PDGFC: variants seen among roughly 807,000 people sequenced by gnomAD.
PDGFC encodes the protein platelet derived growth factor C.
Under a neutral mutation model 35.5 loss-of-function variants are expected in PDGFC, and 12 were observed. The observed-to-expected ratio is 0.34, with a 90% confidence interval of 0.22 to 0.55. PDGFC has a LOEUF of 0.55. Among genes scored for constraint, PDGFC ranks in the 20% least tolerant of loss-of-function variants. PDGFC has a pLI of 0.91. For missense variants in PDGFC, 322 were observed against 412.4 expected (o/e 0.78, Z 1.90); for synonymous variants, 159 against 148.8 (o/e 1.07, Z -0.50).
At chr4:156,863,595 T>C (rs929392375) in intron 1 of PDGFC, among the ~76,000 whole-genome samples, 1 of 152,172 alleles carries the variant, frequency 6.6e-6, no homozygotes, top group South Asian at 2.1e-4. Context: ...GTGGGTTATT[T>C]GTGGGGTGTT....
intron 1 of PDGFC, among the ~76,000 whole-genome samples, chr4:156,929,349 A>T (rs891193637): frequency 6.6e-6 from 1 of 152,076 alleles, no homozygotes; most frequent in Non-Finnish European, 1.5e-5. Context: ...CTATATCCCA[A>T]CCTATCTATG....
rs150501449 is a variant in PDGFC, at chr4:156,903,910, G to A, written c.119-53494C>T. On this transcript the variant is annotated intron_variant, in intron 1 of 5. Transcript: ENST00000502773. ...TAGACCCAAAGATCATGATAGAGCT[G>A]TACTGGCCTTTAGGCCAATTTTAAT... Among the ~76,000 whole-genome samples the A allele has an allele frequency of 1.6e-3, 240 of 152,286 alleles. 1 individual carries two copies. The highest frequency in any genetic ancestry group is 2.8e-3 in the Non-Finnish European group (187 of 67,976).
chr4:156,796,763 T>C (rs1731453430), intron 3 of PDGFC, among the ~76,000 whole-genome samples: 1 of 152,144 alleles, frequency 6.6e-6, no homozygotes, highest in Non-Finnish European at 1.5e-5. Flanking sequence ...AGGAACCCAA[T>C]ATAATAGTAA....
intron 1 of PDGFC, among the ~76,000 whole-genome samples, chr4:156,903,126 T>TGC (rs2110773611): frequency 1.1e-5 from 1 of 91,324 alleles, no homozygotes; most frequent in Admixed American, 1.0e-4. Flanking sequence ...TGTGTGTGTG[T>TGC]GTGTGTATAA....
chr4:156,778,083 G>C (rs1730873830), intron 3 of PDGFC: 1 of 198,998 alleles, frequency 5.0e-6, no homozygotes. Context: ...CAGCCTGGGT[G>C]ATAAAGTGAG....
chr4:156,795,908 T>C (rs1431920674), intron 3 of PDGFC, among the ~76,000 whole-genome samples: 2 of 152,182 alleles, frequency 1.3e-5, no homozygotes, highest in Non-Finnish European at 2.9e-5. Flanking sequence ...TATCTTGAGC[T>C]CTTAGTATCC....
intron 1 of PDGFC, among the ~76,000 whole-genome samples, chr4:156,926,124 T>A (rs1318860569): frequency 1.4e-5 from 2 of 146,934 alleles, no homozygotes; most frequent in African/African-American, 2.5e-5. Context: ...ATGTCAATAA[T>A]CTTTTCTTGT....
chr4:156,831,510 C>T (rs947309059), intron 2 of PDGFC, among the ~76,000 whole-genome samples: 1 of 133,148 alleles, frequency 7.5e-6, no homozygotes. Context: ...GTGCCATGAT[C>T]TCGACTCACT....
chr4:156,818,516 G>GTTTTTTTTTTTT (rs35714916), intron 2 of PDGFC, among the ~76,000 whole-genome samples: 1 of 98,894 alleles, frequency 1.0e-5, no homozygotes, highest in Non-Finnish European at 1.9e-5. Context: ...CTTTCTAGCT[G>GTTTTTTTTTTTT]TTTTTTTTTT....
chr4:156,875,760 A>G (rs1372220809), intron 1 of PDGFC, among the ~76,000 whole-genome samples: 1 of 152,138 alleles, frequency 6.6e-6, no homozygotes, highest in Non-Finnish European at 1.5e-5. Context: ...TCTAATAAAA[A>G]TACAAAAATT....
intron 4 of PDGFC, 68 bp downstream of exon 4, chr4:156,772,618 G>T: frequency 1.0e-6 from 1 of 957,758 alleles, no homozygotes; most frequent in Non-Finnish European, 1.7e-6. Context: ...AGAAGCTGTG[G>T]CAGAAGAATC....
chr4:156,915,597 A>G (rs1211042609), intron 1 of PDGFC, among the ~76,000 whole-genome samples: 1 of 152,142 alleles, frequency 6.6e-6, no homozygotes, highest in Non-Finnish European at 1.5e-5. Flanking sequence ...GCTTGAGACC[A>G]GCCTGGCCAA....
intron 3 of PDGFC, among the ~76,000 whole-genome samples, chr4:156,791,635 A>C (rs1457754214): frequency 6.6e-6 from 1 of 152,246 alleles, no homozygotes; most frequent in Non-Finnish European, 1.5e-5. Context: ...CTAAATACAA[A>C]GCAGTGCAAA....
At chr4:156,817,405 AAAGTAT>A (rs1301950297) in intron 2 of PDGFC, among the ~76,000 whole-genome samples, 11 of 152,344 alleles carry the variant, frequency 7.2e-5, no homozygotes, top group African/African-American at 1.4e-4. Context: ...CTATATTTTA[AAAGTAT>A]AAGTATATTT....
intron 1 of PDGFC, among the ~76,000 whole-genome samples, chr4:156,865,186 GCACACACACA>G (rs34323245): frequency 6.8e-6 from 1 of 146,676 alleles, no homozygotes; most frequent in African/African-American, 2.5e-5. Flanking sequence ...AGATACATGT[GCACACACACA>G]CACACACACA....
chr4:156,866,757 T>A (rs1729853058), intron 1 of PDGFC, among the ~76,000 whole-genome samples: 1 of 151,742 alleles, frequency 6.6e-6, no homozygotes, highest in African/African-American at 2.4e-5. Flanking sequence ...AAGTATTATA[T>A]ACACAATCTA....
chr4:156,860,591 T>G (rs1447435988), intron 1 of PDGFC, among the ~76,000 whole-genome samples: 2 of 151,904 alleles, frequency 1.3e-5, no homozygotes, highest in Non-Finnish European at 2.9e-5. Flanking sequence ...GAAAAAAAAA[T>G]GCACAAATTA....
intron 1 of PDGFC, among the ~76,000 whole-genome samples, chr4:156,881,279 G>GT (rs1046510536): frequency 4.9e-4 from 74 of 151,202 alleles, no homozygotes; most frequent in Middle Eastern, 6.8e-3. Flanking sequence ...GCAATAAAGT[G>GT]TTTTTTTTTA....
intron 2 of PDGFC, among the ~76,000 whole-genome samples, chr4:156,840,818 G>T (rs187389128): frequency 6.6e-6 from 1 of 152,162 alleles, no homozygotes; most frequent in Non-Finnish European, 1.5e-5. Flanking sequence ...ACTCAAAGGG[G>T]TTCATTTTGG....
Sources: allele counts gnomAD v4.1 joint callset (sites outside exome capture counted in the v4.1 genomes callset), GRCh38; gene constraint gnomAD v4.1.1; transcripts MANE v1.5; gene names NCBI Gene and HGNC (gene_info 2026-07-23, HGNC 2026-07-21).